Variants in SLC39A13 observed in about 807,000 individuals in gnomAD.
The protein encoded by SLC39A13 is solute carrier family 39 member 13, also known as zinc transporter ZIP13.
In SLC39A13, 18 loss-of-function variants were observed where a neutral mutation model predicts 38.7. That is an observed-to-expected ratio of 0.47 (90% CI 0.32 to 0.69). SLC39A13 has a LOEUF of 0.69. Ranked by LOEUF, SLC39A13 falls within the 30% of genes least tolerant of loss-of-function variation. The probability of loss-of-function intolerance (pLI) is 0.03; values close to 1 mark genes in which losing one functional copy is unlikely to be tolerated. For synonymous variants in SLC39A13, 212 were observed against 219.1 expected, an observed-to-expected ratio of 0.97 and a Z score of 0.29; for missense variants, 395 against 490.7, an observed-to-expected ratio of 0.80 and a Z score of 1.84.
rs780964819 is a variant in SLC39A13 at position 47,414,856 on chromosome 11, G to A, written c.866G>A (p.Gly289Glu). The A allele has an allele frequency of 6.2e-7, 1 of 1,612,616 alleles. No individual in the cohort carries two copies. The highest frequency in any genetic ancestry group is 8.5e-7 in the Non-Finnish European group (1 of 1,179,982). ...AAKLQLSTAL[G>E]GLLGAGFAIC... ...AAGCTGCAACTCTCAACAGCGCTGG[G>A]GGGCCTACTGGGCGCTGGCTTCGCC... Residue 289 changes from glycine to glutamate, a missense_variant, in exon 8 of 10, where the codon GGG becomes GAG. Gly to Glu is a moderately conservative substitution (Grantham distance 98). Transcript: ENST00000362021.
At position 47,415,828 on chromosome 11, in the gene SLC39A13, G is replaced by A; in HGVS notation, c.*465G>A. 4.0e-6 allele frequency: 1 copy of A among 251,758 alleles called. No homozygotes were observed. The highest frequency in any genetic ancestry group is 7.9e-6 in the Non-Finnish European group (1 of 126,932). The allele number at this position is 251,758 out of a possible 1,614,324, so 15.6% of individuals were successfully genotyped here. Reference sequence around the variant, plus strand: ...AGGCGGCCTAGGGGCCAAGGCTGGGGCGGCTTTGGTCCCTTTTCCTGGCCC... The same window carrying A: ...AGGCGGCCTAGGGGCCAAGGCTGGGACGGCTTTGGTCCCTTTTCCTGGCCC... On this transcript the variant is annotated 3_prime_UTR_variant, in exon 10 of 10. Transcript: ENST00000362021.
chr11:47,411,930 G>A lies in SLC39A13; in HGVS notation c.306G>A (p.Gly102=), dbSNP rs1373427652. The change falls in exon 3 of 10, where the codon GGG becomes GGA. Residue 102 remains glycine, a synonymous_variant. Coordinates refer to ENST00000362021, the MANE Select transcript of SLC39A13 (RefSeq NM_001128225.3). The part of the protein sequence containing the change: ...EMGTMLRSEA[G]AWRLKQLLSF... The stretch of plus-strand genomic sequence containing the variant: ...CCCCGCATCTCTCCCTTGTAGCTGG[G>A]GCCTGGCGCCTGAAGCAGCTGCTCA... The A allele has an allele frequency of 1.2e-6, 2 of 1,613,120 alleles. No individual in the cohort carries two copies. Among genetic ancestry groups the A allele is most frequent in the Non-Finnish European group, 8.5e-7 (1 of 1,179,716 alleles).
At position 47,414,777 on chromosome 11, in the gene SLC39A13, G is replaced by T. The variant is rs780580024; in HGVS notation, c.787G>T (p.Val263Leu). Residue 263 changes from valine to leucine, a missense_variant and splice_region_variant, in exon 8 of 10, where the codon GTG becomes TTG. Physicochemically the swap from Val to Leu is conservative, Grantham distance 32. Coordinates refer to ENST00000362021, the MANE Select transcript of SLC39A13 (RefSeq NM_001128225.3). ...GGTGAACCTCTGGACCTCCCTTCAGGTGGGCGACTTTGCCATCCTGCTCCG... is the reference window on the plus strand; with the variant it reads ...GGTGAACCTCTGGACCTCCCTTCAGTTGGGCGACTTTGCCATCCTGCTCCG... ...AILLHEIPHEVGDFAILLRAG... is the reference protein window; with the variant it reads ...AILLHEIPHELGDFAILLRAG... 1 of 1,608,266 alleles carries T rather than the reference G, an allele frequency of 6.2e-7. No individual in the cohort carries two copies. The highest frequency in any genetic ancestry group is 8.5e-7 in the Non-Finnish European group (1 of 1,179,976).
At chr11:47,410,688 T>A (rs1395281094) in intron 2 of SLC39A13, among the ~76,000 whole-genome samples, 1 of 152,096 alleles carries the variant, frequency 6.6e-6, no homozygotes, top group African/African-American at 2.4e-5. Context: ...CATGAGCATG[T>A]ACTGCCCGTT....
At position 47,413,416 on chromosome 11, in the gene SLC39A13, C is replaced by A; in HGVS notation, c.554C>A (p.Pro185His). The A allele has an allele frequency of 2.5e-6, 4 of 1,614,154 alleles. No homozygotes were observed. Among genetic ancestry groups the A allele is most frequent in the Middle Eastern group, 1.7e-4 (1 of 6,060 alleles). ...TGGCCCTAGGCCCCCAACAAAGACC[C>A]CACTGCTGCTGCCGCCGCGCTCAAT... ...EGTSQAPNKD[P>H]TAAAAALNGG... Residue 185 changes from proline to histidine, a missense_variant, in exon 5 of 10, where the codon CCC (proline) becomes CAC (histidine). By Grantham distance (77) the Pro-to-His change is moderately conservative. Coordinates refer to ENST00000362021, the MANE Select transcript of SLC39A13 (RefSeq NM_001128225.3).
upstream of SLC39A13, among the ~76,000 whole-genome samples, chr11:47,408,189 G>C (rs1036181823): frequency 5.3e-5 from 8 of 152,226 alleles, no homozygotes; most frequent in Non-Finnish European, 1.2e-4. Flanking sequence ...AGCCCGACCT[G>C]GGCGGCGTGG....
At chr11:47,409,765 T>C in intron 1 of SLC39A13, 1 of 323,146 alleles carries the variant, frequency 3.1e-6, no homozygotes. Context: ...GACACCCAGC[T>C]GGGCCGGGCC....
At position 47,412,871 on chromosome 11, in the gene SLC39A13, C is replaced by T. The variant is rs553279718; in HGVS notation, c.537+404C>T. Among the ~76,000 whole-genome samples, 10 of 143,322 alleles carry T rather than the reference C, an allele frequency of 7.0e-5. No individual in the cohort carries two copies. In the South Asian group the frequency reaches 2.0e-3, roughly 29 times the overall value. The allele number at this position is 143,322 out of a possible 152,430, so 94.0% of individuals were successfully genotyped here. A position where few individuals can be genotyped will look rare whatever the true frequency, so the allele number is the denominator to read the frequency against. On this transcript the variant is annotated intron_variant, in intron 4 of 9. Coordinates refer to ENST00000362021, the MANE Select transcript of SLC39A13 (RefSeq NM_001128225.3). ...CTGCCTCCCGGGTTCAAGCGATTCT[C>T]CTGCCTCAGCCTCCCGAGTAGCTGG...
Position 47,413,403 on chromosome 11 carries a change from C to T in SLC39A13, c.541C>T (p.Pro181Ser). Residue 181 changes from proline (P) to serine (S), a missense_variant, in exon 5 of 10, where the codon CCC becomes TCC. Pro to Ser is a moderately conservative substitution (Grantham distance 74). Coordinates refer to ENST00000362021, the MANE Select transcript of SLC39A13 (RefSeq NM_001128225.3). ...TCCCTCCTTCTCCTGGCCCTAGGCC[C>T]CCAACAAAGACCCCACTGCTGCTGC... is the stretch of plus-strand genomic sequence containing the variant. ...DSKEEGTSQA[P>S]NKDPTAAAAA... 6.2e-7 allele frequency: 1 copy of T among 1,614,154 alleles called. No homozygotes were observed. Among genetic ancestry groups the T allele is most frequent in the Non-Finnish European group, 8.5e-7 (1 of 1,179,988 alleles).
At chr11:47,414,013 G>A (rs1481501551) in intron 6 of SLC39A13, 9 of 652,080 alleles carry the variant, frequency 1.4e-5, no homozygotes, top group African/African-American at 5.4e-5. Context: ...GCAGCTGGCC[G>A]AGATCTTTCC....
intron 6 of SLC39A13, 124 bp downstream of exon 6, chr11:47,413,810 C>A: frequency 9.8e-7 from 1 of 1,022,452 alleles, no homozygotes. Context: ...GGCTCTCATC[C>A]CCCATCCTCC....
chr11:47,410,668 C>T (rs2095994397), intron 2 of SLC39A13, among the ~76,000 whole-genome samples: 1 of 152,090 alleles, frequency 6.6e-6, no homozygotes, highest in South Asian at 2.1e-4. Flanking sequence ...TCCTGACTAC[C>T]CTTTTGTACC....
intron 2 of SLC39A13, among the ~76,000 whole-genome samples, chr11:47,410,780 A>C (rs1197585600): frequency 6.6e-6 from 1 of 152,174 alleles, no homozygotes; most frequent in African/African-American, 2.4e-5. Context: ...CCCACCTAAG[A>C]GGGGTGGACC....
chr11:47,414,592 C>A, intron 7 of SLC39A13, 117 bp downstream of exon 7: 1 of 1,504,938 alleles, frequency 6.6e-7, no homozygotes, highest in Non-Finnish European at 9.1e-7. Flanking sequence ...CACTCTGGGG[C>A]TGGGCTGTGA....
Position 47,414,915 on chromosome 11 carries a change from G to A in SLC39A13, c.919+6G>A. 6.2e-7 allele frequency: 1 copy of A among 1,611,348 alleles called. No individual in the cohort carries two copies. Among genetic ancestry groups the A allele is most frequent in the South Asian group, 1.1e-5 (1 of 91,012 alleles). The stretch of plus-strand genomic sequence containing the variant: ...CCAGTCCCCCAAGGGAGTAGGTACG[G>A]GCGTGGCGGGTGGTTGTGGCGGGTG... On this transcript the variant is annotated splice_donor_region_variant and intron_variant, in intron 8 of 9. Transcript: ENST00000362021.
chr11:47,413,834 G>C (rs748166624), intron 6 of SLC39A13, 148 bp downstream of exon 6: 1 of 867,628 alleles, frequency 1.2e-6, no homozygotes. Context: ...CTGCTGTCCT[G>C]GCCGCCACTG....
At position 47,410,158 on chromosome 11, in the gene SLC39A13, C is replaced by T. The variant is rs762200020; in HGVS notation, c.64C>T (p.Leu22Phe). The T allele has an allele frequency of 6.2e-7, 1 of 1,613,466 alleles. No individual in the cohort carries two copies. Among genetic ancestry groups the T allele is most frequent in the Non-Finnish European group, 8.5e-7 (1 of 1,180,004 alleles). ...CCCAAGGCTCCTCTTCCTCACTGCC[C>T]TTGCCCTGGAGCTCTTGGAAAGGGC... ...AGPRLLFLTA[L>F]ALELLERAGG... Residue 22 changes from leucine (L) to phenylalanine (F), a missense_variant, in exon 2 of 10, where the codon CTT (leucine) becomes TTT (phenylalanine). Physicochemically the swap from Leu to Phe is conservative, Grantham distance 22. Transcript: ENST00000362021.
intron 3 of SLC39A13, 133 bp from the exon 4 acceptor site, chr11:47,412,213 T>A: frequency 7.4e-7 from 1 of 1,351,092 alleles, no homozygotes; most frequent in Non-Finnish European, 1.0e-6. Context: ...CAGTGGGAGT[T>A]CTGGGCCCCA....
rs569702449 is a variant in SLC39A13, at chr11:47,410,146, T to G, written c.52T>G (p.Phe18Val). The G allele has an allele frequency of 1.9e-6, 3 of 1,613,252 alleles. No homozygotes were observed. In the South Asian group the frequency reaches 3.3e-5, roughly 18 times the overall value. Residue 18 changes from phenylalanine (F) to valine (V), a missense_variant, in exon 2 of 10, where the codon TTC (phenylalanine) becomes GTC (valine). Phe to Val is a conservative substitution (Grantham distance 50, BLOSUM62 -1). Coordinates refer to ENST00000362021, the MANE Select transcript of SLC39A13 (RefSeq NM_001128225.3). ...GCGMAGPRLL[F>V]LTALALELLE... ...TGGCATGGCGGGCCCAAGGCTCCTC[T>G]TCCTCACTGCCCTTGCCCTGGAGCT...
Sources: gnomAD v4.1 joint callset for allele counts (sites outside exome capture counted in the v4.1 genomes callset) on GRCh38, gnomAD v4.1.1 for gene constraint, MANE v1.5 for transcripts, NCBI Gene and HGNC (gene_info 2026-07-23, HGNC 2026-07-21) for gene names.